TTN: variants seen among roughly 807,000 people sequenced by gnomAD.
The protein encoded by TTN is connectin.
Under a neutral mutation model 3,223.0 loss-of-function variants are expected in TTN, and 1,525 were observed. The ratio of observed to expected loss-of-function variants is 0.47; its 90% CI spans 0.45 to 0.49. The LOEUF (loss-of-function observed/expected upper bound fraction) is 0.49, where lower values mean the gene tolerates loss of function less well. Ranked by LOEUF, TTN falls within the 20% of genes least tolerant of loss-of-function variation. The probability of loss-of-function intolerance (pLI) is 0.00; values close to 1 mark genes in which losing one functional copy is unlikely to be tolerated. For synonymous variants in TTN, 14,094 were observed against 15,161.0 expected, an observed-to-expected ratio of 0.93 and a Z score of 5.17; for missense variants, 40,786 against 43,424.0, an observed-to-expected ratio of 0.94 and a Z score of 5.40.
intron 43 of TTN, 123 bp from the exon 44 acceptor site, chr2:178,759,295 A>G (rs1351873935): frequency 1.0e-6 from 1 of 974,654 alleles, no homozygotes; most frequent in Non-Finnish European, 1.6e-6. Flanking sequence ...ATAACATGAT[A>G]CTTTTCTCTG....
rs750448649 is a variant in TTN, at chr2:178,647,375, G to T, written c.40141+6C>A. 6.5e-7 allele frequency: 1 copy of T among 1,549,346 alleles called. No individual in the cohort carries two copies. Among genetic ancestry groups the T allele is most frequent in the African/African-American group, 1.4e-5 (1 of 72,982 alleles). On this transcript the variant is annotated splice_donor_region_variant and intron_variant, in intron 214 of 362. Coordinates refer to ENST00000589042, the MANE Select transcript of TTN (RefSeq NM_001267550.2). ...TCTTTCCAAGATTTATGGAGAAGCC[G>T]TGTACCTTCAGCAGGTGGAACTTCT...
In TTN at chr2:178,620,006, C is replaced by T; in HGVS notation, c.46411G>A (p.Ala15471Thr). The change falls in exon 249 of 363, where the codon GCT becomes ACT. Residue 15471 changes from alanine to threonine, a missense_variant. Ala to Thr is a moderately conservative substitution (Grantham distance 58). Transcript: ENST00000589042. Reference sequence around the variant, plus strand: ...TATGTACCTTCCACAAAAAGTCTAGCACGAGACTTCCTGTCTTCTACCCCG... The same window carrying T: ...TATGTACCTTCCACAAAAAGTCTAGTACGAGACTTCCTGTCTTCTACCCCG... ...ACGVEDRKSR[A>T]RLFVEEIPVE... 6.2e-7 allele frequency: 1 copy of T among 1,610,590 alleles called. No individual in the cohort carries two copies. Among genetic ancestry groups the T allele is most frequent in the African/African-American group, 1.3e-5 (1 of 74,820 alleles).
chr2:178,539,542 G>A lies in TTN; in HGVS notation c.98523C>T (p.Ala32841=), dbSNP rs1273018417. ...YILERREVPK[A]AWYTIDSRVR... ...CTCTGGAATCAATGGTATACCAGGC[G>A]GCTTTAGGCACTTCTCGTCTCTCGA... The change falls in exon 352 of 363, where the codon GCC becomes GCT. Residue 32841 remains alanine (A), a synonymous_variant. Transcript: ENST00000589042. 1.1e-5 allele frequency: 17 copies of A among 1,613,618 alleles called. No individual in the cohort carries two copies. Among genetic ancestry groups the A allele is most frequent in the Admixed American group, 3.3e-5 (2 of 59,978 alleles).
chr2:178,768,957 AC>A, intron 37 of TTN, 24 bp from the exon 38 acceptor site: 1 of 1,611,836 alleles, frequency 6.2e-7, no homozygotes, highest in South Asian at 1.1e-5. Flanking sequence ...AAGAAAAAAC[AC>A]CCAAGGAGAC....
chr2:178,529,934 G>A (rs892513342), intron 359 of TTN, 26 bp downstream of exon 359: 1 of 1,575,958 alleles, frequency 6.3e-7, no homozygotes, highest in Middle Eastern at 1.7e-4. Context: ...CTGAAGAAAT[G>A]TGGGTAAAAA....
Position 178,714,524 on chromosome 2 carries a change from A to G in TTN, c.26250T>C (p.Gly8750=), listed in dbSNP as rs199904773. The G allele has an allele frequency of 6.2e-7, 1 of 1,613,194 alleles. No homozygotes were observed. Among genetic ancestry groups the G allele is most frequent in the Non-Finnish European group, 8.5e-7 (1 of 1,179,558 alleles). The change falls in exon 91 of 363, where the codon GGT becomes GGC. Residue 8750 remains glycine (G), a synonymous_variant. Coordinates refer to ENST00000589042, the MANE Select transcript of TTN (RefSeq NM_001267550.2). ...TGGTAGTCTGCAGCTGAACTTCTTT[A>G]CCAACGACAGTAGATATGTCACTGA... ...KKLSDISTVV[G]KEVQLQTTIE...
At chr2:178,731,997 A>AT in intron 57 of TTN, 26 bp from the exon 58 acceptor site, 1 of 1,593,722 alleles carries the variant, frequency 6.3e-7, no homozygotes, top group Non-Finnish European at 8.6e-7. Flanking sequence ...AATGATTTGC[A>AT]TTAAGGGAGG....
chr2:178,727,302 T>G lies in TTN; in HGVS notation c.20063A>C (p.Glu6688Ala), dbSNP rs1035063547. The change falls in exon 69 of 363, where the codon GAA becomes GCA. Residue 6688 changes from glutamate (E) to alanine (A), a missense_variant. By Grantham distance (107) the Glu-to-Ala change is moderately radical. Coordinates refer to ENST00000589042, the MANE Select transcript of TTN (RefSeq NM_001267550.2). ...TTCTGGGGATCCAGCTATCTTGCAT[T>G]CAAGTCGTGAAGAGTCACCTGCTTT... Reference protein sequence around the residue: ...IVKAGDSSRLECKIAGSPEIR... With the variant: ...IVKAGDSSRLACKIAGSPEIR... The G allele has an allele frequency of 3.1e-6, 5 of 1,612,882 alleles. No homozygotes were observed. In the African/African-American group the frequency reaches 6.7e-5, roughly 22 times the overall value.
rs766097324 is a variant in TTN at position 178,651,437 on chromosome 2, G to A, written c.39547+16C>T. 1.9e-6 allele frequency: 3 copies of A among 1,605,576 alleles called. No homozygotes were observed. The highest frequency in any genetic ancestry group is 3.4e-5 in the Admixed American group (2 of 58,092). On this transcript the variant is annotated intron_variant, in intron 207 of 362. Coordinates refer to ENST00000589042, the MANE Select transcript of TTN (RefSeq NM_001267550.2). ...GCTCCATCCGCCCCCATCAAACAGT[G>A]GACAGCCACATATACCTTTAGCAGG... is the stretch of plus-strand genomic sequence containing the variant.
rs370272916 is a variant in TTN, at chr2:178,552,191, T to C, written c.90709A>G (p.Ile30237Val). 1.7e-5 allele frequency: 27 copies of C among 1,613,622 alleles called. No homozygotes were observed. The highest frequency in any genetic ancestry group is 2.1e-5 in the Non-Finnish European group (25 of 1,179,780). ...KPKGPIRFDEIKADSVILSWD... is the reference protein window; with the variant it reads ...KPKGPIRFDEVKADSVILSWD... ...GACAGGATGACACTATCAGCCTTGA[T>C]TTCATCAAATCGAATGGGTCCTTTG... is the stretch of plus-strand genomic sequence containing the variant. The change falls in exon 335 of 363, where the codon ATC becomes GTC. Residue 30237 changes from isoleucine to valine, a missense_variant. Physicochemically the swap from Ile to Val is conservative, Grantham distance 29. Coordinates refer to ENST00000589042, the MANE Select transcript of TTN (RefSeq NM_001267550.2).
At chr2:178,621,793 AT>A (rs899768537) in intron 244 of TTN, 46 bp downstream of exon 244, 8 of 1,608,398 alleles carry the variant, frequency 5.0e-6, no homozygotes, top group Non-Finnish European at 5.9e-6. Context: ...GGAAATTATT[AT>A]TTTTTCCCAA....
rs1339846795 is a variant in TTN, at chr2:178,533,807, A to G, written c.102808T>C (p.Tyr34270His). The G allele has an allele frequency of 6.2e-7, 1 of 1,613,846 alleles. No individual in the cohort carries two copies. The highest frequency in any genetic ancestry group is 8.5e-7 in the Non-Finnish European group (1 of 1,179,878). The change falls in exon 358 of 363, where the codon TAT becomes CAT. Residue 34270 changes from tyrosine (Y) to histidine (H), a missense_variant. By Grantham distance (83) the Tyr-to-His change is moderately conservative. Coordinates refer to ENST00000589042, the MANE Select transcript of TTN (RefSeq NM_001267550.2). ...FTLPLYNKTA[Y>H]VGENVRFGVT... ...CCAAACCGGACATTTTCACCTACAT[A>G]AGCTGTCTTATTATAGAGAGGCAGG...
At chr2:178,707,396 C>T (rs1487799511) in intron 100 of TTN, 130 bp downstream of exon 100, 3 of 1,086,172 alleles carry the variant, frequency 2.8e-6, no homozygotes, top group East Asian at 2.7e-5. Flanking sequence ...AATAAGGAGC[C>T]TACAAATTGC....
At position 178,712,386 on chromosome 2, in the gene TTN, G is replaced by A. The variant is rs1377122264; in HGVS notation, c.27536C>T (p.Ala9179Val). 8.1e-6 allele frequency: 13 copies of A among 1,613,816 alleles called. No homozygotes were observed. The highest frequency in any genetic ancestry group is 1.1e-5 in the Non-Finnish European group (13 of 1,179,822). ...TTCAATGTAGCAGTTGTATTGTCCT[G>A]CATCCTCTACTGTGCTACTTGGAAT... is the stretch of plus-strand genomic sequence containing the variant. ...LEIPSSTVED[A>V]GQYNCYIENA... The change falls in exon 95 of 363, where the codon GCA becomes GTA. Residue 9179 changes from alanine (A) to valine (V), a missense_variant. Physicochemically the swap from Ala to Val is moderately conservative, Grantham distance 64. Coordinates refer to ENST00000589042, the MANE Select transcript of TTN (RefSeq NM_001267550.2).
At chr2:178,725,707 T>A in intron 70 of TTN, 58 bp from the exon 71 acceptor site, 1 of 1,547,566 alleles carries the variant, frequency 6.5e-7, no homozygotes, top group Non-Finnish European at 8.7e-7. Context: ...CATGCGAGAG[T>A]GAAAAAAGTA....
At chr2:178,719,958 T>TC in intron 81 of TTN, 25 bp downstream of exon 81, 1 of 1,560,880 alleles carries the variant, frequency 6.4e-7, no homozygotes, top group African/African-American at 1.4e-5. Flanking sequence ...ATTGATTTTT[T>TC]CTCTGGCTGT....
In TTN at chr2:178,640,645, TA is replaced by T. The variant is rs775924833; in HGVS notation, c.40634-16del. Reference sequence around the variant, plus strand: ...TGGTTCTGGTACTTTAAGATAAGATTATTTTTTCAGTGTTAATATTTGAATA... The same window carrying T: ...TGGTTCTGGTACTTTAAGATAAGATTTTTTTTCAGTGTTAATATTTGAATA... On this transcript the variant is annotated splice_polypyrimidine_tract_variant and intron_variant, in intron 220 of 362. Coordinates refer to ENST00000589042, the MANE Select transcript of TTN (RefSeq NM_001267550.2). 1.7e-5 allele frequency: 27 copies of T among 1,553,526 alleles called. No homozygotes were observed. Among genetic ancestry groups the T allele is most frequent in the Non-Finnish European group, 2.2e-5 (25 of 1,153,300 alleles).
At position 178,730,711 on chromosome 2, in the gene TTN, A is replaced by C. The variant is rs773190186; in HGVS notation, c.17822T>G (p.Ile5941Arg). The C allele has an allele frequency of 6.2e-7, 1 of 1,613,522 alleles. No individual in the cohort carries two copies. Among genetic ancestry groups the C allele is most frequent in the South Asian group, 1.1e-5 (1 of 91,066 alleles). Residue 5941 changes from isoleucine (I) to arginine (R), a missense_variant, in exon 61 of 363, where the codon ATA becomes AGA. Coordinates refer to ENST00000589042, the MANE Select transcript of TTN (RefSeq NM_001267550.2). The stretch of plus-strand genomic sequence containing the variant: ...GCTTATGGGATGTGACCCAGCCACT[A>C]TACATTCTAAATCAATGAAAGAACC... ...IKGSFIDLEC[I>R]VAGSHPISIQ...
At position 178,537,574 on chromosome 2, in the gene TTN, A is replaced by T. The variant is rs530027314; in HGVS notation, c.99633T>A (p.Gly33211=). ...ACATAACATGAAGCCGAAGTGTGGA[A>T]CCCACAGCTCCATAATATTTCTCTT... ...PLKEKYYGAV[G]STLRLHVMYI... is the part of the protein sequence containing the mutation. The change falls in exon 355 of 363, where the codon GGT becomes GGA. Residue 33211 remains glycine (G), a synonymous_variant. Coordinates refer to ENST00000589042, the MANE Select transcript of TTN (RefSeq NM_001267550.2). 2.5e-6 allele frequency: 4 copies of T among 1,613,780 alleles called. No individual in the cohort carries two copies. Among genetic ancestry groups the T allele is most frequent in the Middle Eastern group, 1.7e-4 (1 of 6,058 alleles).
Sources: allele counts gnomAD v4.1 joint callset, GRCh38; gene constraint gnomAD v4.1.1; transcripts MANE v1.5; gene names NCBI Gene and HGNC (gene_info 2026-07-23, HGNC 2026-07-21).